The following PTPN4 variants were observed in gnomAD, a reference collection of about 807,000 sequenced individuals.
PTPN4 encodes the protein tyrosine-protein phosphatase non-receptor type 4.
In PTPN4, 49 loss-of-function variants were observed where a neutral mutation model predicts 135.5. That is an observed-to-expected ratio of 0.36 (90% CI 0.29 to 0.46). The LOEUF is 0.46. PTPN4 is among the 20% of genes least tolerant of loss of function. PTPN4 has a pLI of 1.00. For missense variants in PTPN4, 860 were observed against 1,101.0 expected, an observed-to-expected ratio of 0.78 and a Z score of 3.10; for synonymous variants, 333 against 369.9, an observed-to-expected ratio of 0.90 and a Z score of 1.14.
rs562657070 is a variant in PTPN4 at position 119,983,996 on chromosome 2, A to G, written c.*6926A>G. ...ATAAAAGTCCCGACACTTTATATAC[A>G]TGTTGAGGGGCACGATTTAAGAGAC... On this transcript the variant is annotated 3_prime_UTR_variant, in exon 27 of 27. Coordinates refer to ENST00000263708, the MANE Select transcript of PTPN4 (RefSeq NM_002830.4). Among the ~76,000 whole-genome samples the G allele has an allele frequency of 1.3e-5, 2 of 152,310 alleles. No individual in the cohort carries two copies. The highest frequency in any genetic ancestry group is 2.4e-5 in the African/African-American group (1 of 41,568).
At chr2:119,932,840 T>G (rs1678926089) in intron 14 of PTPN4, among the ~76,000 whole-genome samples, 1 of 152,210 alleles carries the variant, frequency 6.6e-6, no homozygotes, top group Non-Finnish European at 1.5e-5. Flanking sequence ...GAAGATCTGT[T>G]AGACTTAAAA....
intron 1 of PTPN4, among the ~76,000 whole-genome samples, chr2:119,800,222 T>A (rs1691337501): frequency 6.6e-6 from 1 of 152,194 alleles, no homozygotes; most frequent in Non-Finnish European, 1.5e-5. Context: ...TTCAGGATTT[T>A]GTCAGAGATC....
intron 1 of PTPN4, among the ~76,000 whole-genome samples, chr2:119,797,038 C>T (rs535954695): frequency 2.0e-5 from 3 of 152,108 alleles, no homozygotes; most frequent in South Asian, 2.1e-4. Flanking sequence ...TCACATCTTT[C>T]GCCTTGTTTT....
intron 10 of PTPN4, among the ~76,000 whole-genome samples, chr2:119,913,103 T>C (rs1678598079): frequency 6.6e-6 from 1 of 152,214 alleles, no homozygotes; most frequent in Admixed American, 6.6e-5. Context: ...TTTATGGTTA[T>C]ACCACATTTT....
chr2:119,824,633 C>T (rs891728920), intron 2 of PTPN4, among the ~76,000 whole-genome samples: 3 of 152,110 alleles, frequency 2.0e-5, no homozygotes, highest in African/African-American at 7.2e-5. Flanking sequence ...CCATTTGGGA[C>T]TGTGATTTTC....
chr2:119,930,519 T>C (rs992681602), intron 13 of PTPN4, among the ~76,000 whole-genome samples: 4 of 152,146 alleles, frequency 2.6e-5, no homozygotes, highest in Admixed American at 2.6e-4. Flanking sequence ...AATTTATACA[T>C]TTAGATACAG....
At chr2:119,952,199 A>G in intron 19 of PTPN4, 70 bp downstream of exon 19, 1 of 1,392,616 alleles carries the variant, frequency 7.2e-7, no homozygotes. Flanking sequence ...CACAGCAGCC[A>G]GATTTCTGAC....
chr2:119,946,023 C>T (rs990884262), intron 16 of PTPN4, among the ~76,000 whole-genome samples: 8 of 152,096 alleles, frequency 5.3e-5, no homozygotes, highest in Admixed American at 5.2e-4. Flanking sequence ...TCTGTATACT[C>T]ATACATATGA....
chr2:119,788,742 G>A (rs1691088176), intron 1 of PTPN4, among the ~76,000 whole-genome samples: 1 of 152,146 alleles, frequency 6.6e-6, no homozygotes, highest in Non-Finnish European at 1.5e-5. Flanking sequence ...CTGCATTGTA[G>A]CATGTGTCAG....
intron 2 of PTPN4, among the ~76,000 whole-genome samples, chr2:119,816,232 A>G (rs1574349362): frequency 6.6e-6 from 1 of 152,176 alleles, no homozygotes; most frequent in South Asian, 2.1e-4. Context: ...GTATCTAAAC[A>G]TAGAAAAGGT....
intron 9 of PTPN4, among the ~76,000 whole-genome samples, chr2:119,892,967 A>G (rs112872305): frequency 2.0e-5 from 3 of 151,662 alleles, no homozygotes; most frequent in African/African-American, 4.8e-5. Context: ...AGCTCAAGCA[A>G]TCCTACCTGC....
intron 1 of PTPN4, among the ~76,000 whole-genome samples, chr2:119,777,390 C>A (rs959118116): frequency 5.9e-5 from 9 of 152,176 alleles, no homozygotes; most frequent in Non-Finnish European, 1.0e-4. Flanking sequence ...TGCTTACCAC[C>A]TCACATTATA....
chr2:119,894,702 A>G (rs1465161102), intron 9 of PTPN4, among the ~76,000 whole-genome samples: 2 of 152,196 alleles, frequency 1.3e-5, no homozygotes, highest in Non-Finnish European at 2.9e-5. Context: ...TTTAATATTC[A>G]TGTTTTATAA....
chr2:119,927,331 G>A (rs761318980), intron 13 of PTPN4, among the ~76,000 whole-genome samples: 13 of 147,072 alleles, frequency 8.8e-5, no homozygotes, highest in Non-Finnish European at 2.0e-4. Flanking sequence ...GGCTAGTCTC[G>A]AACTCGTGAC....
At chr2:119,779,942 C>T (rs1017741342) in intron 1 of PTPN4, among the ~76,000 whole-genome samples, 3 of 152,030 alleles carry the variant, frequency 2.0e-5, no homozygotes, top group South Asian at 2.1e-4. Context: ...GACAGGACTT[C>T]GCCATGTTGC....
At chr2:119,864,031 C>G (rs1158166368) in intron 3 of PTPN4, among the ~76,000 whole-genome samples, 4 of 152,120 alleles carry the variant, frequency 2.6e-5, no homozygotes, top group Non-Finnish European at 5.9e-5. Flanking sequence ...GATACACTTG[C>G]AAGTTGCCTT....
intron 1 of PTPN4, among the ~76,000 whole-genome samples, chr2:119,807,791 A>G (rs1691500938): frequency 6.6e-6 from 1 of 152,256 alleles, no homozygotes; most frequent in African/African-American, 2.4e-5. Context: ...ATTTTAGACC[A>G]ATATCCCTGA....
intron 2 of PTPN4, among the ~76,000 whole-genome samples, chr2:119,836,235 ATAGT>A (rs1399321961): frequency 6.6e-6 from 1 of 152,218 alleles, no homozygotes. Context: ...GTTCATTATT[ATAGT>A]TAAAGCTAGG....
intron 2 of PTPN4, among the ~76,000 whole-genome samples, chr2:119,857,418 C>G (rs1677697512): frequency 6.6e-6 from 1 of 151,784 alleles, no homozygotes; most frequent in Non-Finnish European, 1.5e-5. Flanking sequence ...CCTGTAATCC[C>G]AGCTACTGGG....
Sources: allele counts gnomAD v4.1 joint callset (sites outside exome capture counted in the v4.1 genomes callset), GRCh38; gene constraint gnomAD v4.1.1; transcripts MANE v1.5; gene names NCBI Gene and HGNC (gene_info 2026-07-23, HGNC 2026-07-21).